The following SLBP variants were observed in gnomAD, a reference collection of about 807,000 sequenced individuals.
The protein encoded by SLBP is stem-loop histone mRNA binding protein.
In SLBP, 29 loss-of-function variants were observed where a neutral mutation model predicts 39.2. The observed-to-expected ratio is 0.74, with a 90% CI of 0.55 to 1.01. SLBP has a LOEUF of 1.01. Ranked by LOEUF, SLBP falls within the 50% of genes least tolerant of loss-of-function variation. The pLI, the probability that SLBP is intolerant of heterozygous loss-of-function variation, is 0.00. For synonymous variants in SLBP, 129 were observed against 118.7 expected (o/e 1.09, Z -0.57); for missense variants, 390 against 350.2 (o/e 1.11, Z -0.91).
At chr4:1,698,811 C>G (rs1196852394) in intron 5 of SLBP, among the ~76,000 whole-genome samples, 1 of 141,560 alleles carries the variant, frequency 7.1e-6, no homozygotes, top group Non-Finnish European at 1.5e-5. Context: ...TTTTAAGAGA[C>G]AAAGTCTCAT....
intron 4 of SLBP, 30 bp downstream of exon 4, chr4:1,699,981 T>G (rs769560053): frequency 4.0e-6 from 6 of 1,493,576 alleles, no homozygotes; most frequent in Middle Eastern, 1.7e-4. Context: ...GTCTATCAAA[T>G]TAGAAAAGAA....
chr4:1,710,521 G>A (rs983936391), intron 2 of SLBP, among the ~76,000 whole-genome samples: 1 of 152,234 alleles, frequency 6.6e-6, no homozygotes, highest in African/African-American at 2.4e-5. Flanking sequence ...ATTACAGAAA[G>A]AGTCTGTGGT....
chr4:1,703,726 A>G (rs1178143285), intron 2 of SLBP, 26 bp from the exon 3 acceptor site: 1 of 1,403,554 alleles, frequency 7.1e-7, no homozygotes, highest in African/African-American at 1.4e-5. Context: ...AATGCTACTG[A>G]ACCATGACAC....
At chr4:1,704,085 G>A (rs113913184) in intron 2 of SLBP, among the ~76,000 whole-genome samples, 1 of 152,064 alleles carries the variant, frequency 6.6e-6, no homozygotes, top group South Asian at 2.1e-4. Context: ...TGCCCACTGT[G>A]TTTGGGGGTC....
At chr4:1,701,532 C>T (rs1303697310) in intron 3 of SLBP, among the ~76,000 whole-genome samples, 1 of 152,232 alleles carries the variant, frequency 6.6e-6, no homozygotes, top group South Asian at 2.1e-4. Context: ...TCATACCGCT[C>T]TTACTGTCAG....
At chr4:1,694,111 C>T (rs988412917) in intron 7 of SLBP, among the ~76,000 whole-genome samples, 1 of 152,240 alleles carries the variant, frequency 6.6e-6, no homozygotes, top group Non-Finnish European at 1.5e-5. Context: ...GAGACAGAGT[C>T]TCACTCTGTC....
intron 2 of SLBP, among the ~76,000 whole-genome samples, chr4:1,704,794 A>G (rs1056475036): frequency 6.6e-6 from 1 of 152,186 alleles, no homozygotes; most frequent in Admixed American, 6.5e-5. Flanking sequence ...CCTCCAGGTT[A>G]TCTGGCCAGT....
At chr4:1,696,626 G>A (rs112447146) in intron 5 of SLBP, among the ~76,000 whole-genome samples, 1,938 of 152,126 alleles carry the variant, frequency 0.013, 37 homozygotes, top group African/African-American at 0.043. Context: ...GGCTGGGAGC[G>A]GTGGCTCACA....
At chr4:1,709,613 CT>C (rs35077844) in intron 2 of SLBP, among the ~76,000 whole-genome samples, 284 of 140,984 alleles carry the variant, frequency 2.0e-3, no homozygotes, top group South Asian at 1.8e-3. Flanking sequence ...ACATCTACTT[CT>C]TTTTTTTTTT....
chr4:1,704,143 T>C (rs1173594026), intron 2 of SLBP, among the ~76,000 whole-genome samples: 2 of 152,174 alleles, frequency 1.3e-5, no homozygotes, highest in Admixed American at 1.3e-4. Context: ...TATGATTCCT[T>C]TTGGGTGTCC....
chr4:1,705,846 C>A (rs1278240472), intron 2 of SLBP, among the ~76,000 whole-genome samples: 1 of 152,168 alleles, frequency 6.6e-6, no homozygotes, highest in Non-Finnish European at 1.5e-5. Flanking sequence ...AATACCCAAG[C>A]ATGGTGGGGC....
chr4:1,694,879 T>C, intron 6 of SLBP, 39 bp from the exon 7 acceptor site: 1 of 1,444,402 alleles, frequency 6.9e-7, no homozygotes, highest in South Asian at 1.1e-5. Context: ...AGGCACTAAC[T>C]TAACAAAGCC....
chr4:1,694,822 T>C lies in SLBP; in HGVS notation c.648A>G (p.Glu216=). ...DLQEIHPVDL[E]SAESSSEPQT... is the part of the protein sequence containing the mutation. ...GGGGCTCGGAGCTGCTTTCTGCAGATTCAAGGTCTACAGGGTGTCTGTTAA... is the reference window on the plus strand; with the variant it reads ...GGGGCTCGGAGCTGCTTTCTGCAGACTCAAGGTCTACAGGGTGTCTGTTAA... The change falls in exon 7 of 8, where the codon GAA becomes GAG. Residue 216 remains glutamate (E), a synonymous_variant. Transcript: ENST00000489418. 6.2e-7 allele frequency: 1 copy of C among 1,613,538 alleles called. No homozygotes were observed. The highest frequency in any genetic ancestry group is 1.1e-5 in the South Asian group (1 of 91,076).
chr4:1,696,132 G>T, intron 6 of SLBP, 70 bp downstream of exon 6: 1 of 1,365,360 alleles, frequency 7.3e-7, no homozygotes, highest in Non-Finnish European at 9.9e-7. Context: ...TCCTGTCCCA[G>T]TGGTGCGCAG....
At chr4:1,703,421 G>C (rs1414110366) in intron 3 of SLBP, among the ~76,000 whole-genome samples, 175 bp downstream of exon 3, 1 of 152,020 alleles carries the variant, frequency 6.6e-6, no homozygotes, top group Admixed American at 6.6e-5. Context: ...CACCCCATTC[G>C]CAGGCCCAGG....
intron 2 of SLBP, among the ~76,000 whole-genome samples, chr4:1,704,764 A>G (rs1402056841): frequency 6.6e-6 from 1 of 152,168 alleles, no homozygotes; most frequent in Non-Finnish European, 1.5e-5. Flanking sequence ...TCCATATAAT[A>G]AAAGTGCAGG....
At chr4:1,699,102 A>G (rs1716231156) in intron 5 of SLBP, among the ~76,000 whole-genome samples, 2 of 152,174 alleles carry the variant, frequency 1.3e-5, no homozygotes, top group South Asian at 4.1e-4. Context: ...TTCAACCCCA[A>G]TCCTGCCAAA....
At position 1,700,052 on chromosome 4, in the gene SLBP, G is replaced by T; in HGVS notation, c.300C>A (p.Leu100=). ...TTCTCTCTCTTCCAAAGTCATTGAT[G>T]AGGAGTTTCCTTTTATATCTGAGGG... ...KEMARYKRKL[L]INDFGRERKS... is the part of the protein sequence containing the mutation. Residue 100 remains leucine (L), a synonymous_variant, in exon 4 of 8, where the codon CTC becomes CTA. Transcript: ENST00000489418. The T allele has an allele frequency of 6.3e-7, 1 of 1,599,746 alleles. No homozygotes were observed. Among genetic ancestry groups the T allele is most frequent in the South Asian group, 1.1e-5 (1 of 89,334 alleles).
intron 2 of SLBP, among the ~76,000 whole-genome samples, chr4:1,710,942 T>C (rs1716739841): frequency 6.7e-6 from 1 of 148,724 alleles, no homozygotes; most frequent in Non-Finnish European, 1.5e-5. Context: ...TCCTAGCTGC[T>C]GGGGAGGCTG....
Sources: allele counts gnomAD v4.1 joint callset (sites outside exome capture counted in the v4.1 genomes callset), GRCh38; gene constraint gnomAD v4.1.1; transcripts MANE v1.5; gene names NCBI Gene and HGNC (gene_info 2026-07-23, HGNC 2026-07-21).